The following PDE10A variants were observed in gnomAD, a reference collection of about 807,000 sequenced individuals.
PDE10A encodes the protein cAMP and cAMP-inhibited cGMP 3',5'-cyclic phosphodiesterase 10A.
PDE10A carries 39 observed loss-of-function variants against 97.7 expected under a neutral mutation model. The observed-to-expected ratio is 0.40, with a 90% confidence interval of 0.31 to 0.52. The LOEUF (loss-of-function observed/expected upper bound fraction) is 0.52, where lower values mean the gene tolerates loss of function less well. PDE10A is among the 20% of genes least tolerant of loss of function. PDE10A has a pLI of 0.56. For synonymous variants in PDE10A, 371 were observed against 376.8 expected (o/e 0.98, Z 0.18); for missense variants, 731 against 1,047.8 (o/e 0.70, Z 4.17).
At chr6:165,932,627 C>T (rs1471962599) in intron 1 of PDE10A, among the ~76,000 whole-genome samples, 1 of 152,166 alleles carries the variant, frequency 6.6e-6, no homozygotes, top group Non-Finnish European at 1.5e-5. Context: ...TGAGCCACCG[C>T]ACCCAGCCTA....
chr6:165,578,425 C>T (rs1309023119), intron 1 of PDE10A, among the ~76,000 whole-genome samples: 1 of 152,096 alleles, frequency 6.6e-6, no homozygotes, highest in East Asian at 1.9e-4. Flanking sequence ...ATGGTAGGGG[C>T]AAAGTCCAAT....
intron 7 of PDE10A, 98 bp downstream of exon 7, chr6:165,432,876 T>C (rs998887893): frequency 1.3e-6 from 1 of 782,410 alleles, no homozygotes; most frequent in Non-Finnish European, 2.1e-6. Context: ...TATTAATTCA[T>C]GTATTTTCAG....
chr6:165,625,157 G>A (rs116253108), intron 1 of PDE10A, among the ~76,000 whole-genome samples: 1,993 of 152,314 alleles, frequency 0.013, 53 homozygotes, highest in African/African-American at 0.046. Flanking sequence ...CTCTGGATTT[G>A]ACCCAGTCTG....
chr6:165,447,720 T>C (rs976851499), intron 5 of PDE10A, among the ~76,000 whole-genome samples: 15 of 152,212 alleles, frequency 9.9e-5, no homozygotes, highest in Non-Finnish European at 2.1e-4. Flanking sequence ...ATATAGTTTA[T>C]TTAGAAGTGG....
chr6:165,383,149 T>G (rs1205704966), intron 17 of PDE10A, among the ~76,000 whole-genome samples: 1 of 152,170 alleles, frequency 6.6e-6, no homozygotes, highest in African/African-American at 2.4e-5. Flanking sequence ...ACAGATAATT[T>G]AAGATTAGTG....
chr6:165,427,966 C>T (rs953882313), intron 10 of PDE10A, among the ~76,000 whole-genome samples: 1 of 151,946 alleles, frequency 6.6e-6, no homozygotes, highest in African/African-American at 2.4e-5. Flanking sequence ...CAAGATGTTG[C>T]ACAAAGCACA....
chr6:165,948,820 GC>G (rs1483192526), intron 1 of PDE10A: 2 of 152,276 alleles, frequency 1.3e-5, no homozygotes, highest in Non-Finnish European at 2.9e-5. Context: ...GACTAAGCTG[GC>G]CCCACAGCAG....
intron 1 of PDE10A, among the ~76,000 whole-genome samples, chr6:165,689,904 G>C (rs912219192): frequency 6.6e-6 from 1 of 152,118 alleles, no homozygotes; most frequent in African/African-American, 2.4e-5. Context: ...CTGCCACCGG[G>C]TGAGTACAAT....
intron 5 of PDE10A, among the ~76,000 whole-genome samples, chr6:165,442,988 T>C (rs1469425392): frequency 1.3e-5 from 2 of 151,792 alleles, no homozygotes; most frequent in East Asian, 3.9e-4. Flanking sequence ...GATATGTACC[T>C]GTAGTCCCAG....
rs6903225 is a variant in PDE10A at position 165,819,048 on chromosome 6, A to G, written c.-615+168481T>C. Reference sequence around the variant, plus strand: ...AAAATATGTACCTTTCATTCTGTACATTTATGAAGCCTCCGTCTAAGCTTG... The same window carrying G: ...AAAATATGTACCTTTCATTCTGTACGTTTATGAAGCCTCCGTCTAAGCTTG... On this transcript the variant is annotated intron_variant, in intron 1 of 19. Transcript: ENST00000366882. The surrounding 1 kb of genome is among the most constrained non-coding windows in gnomAD (Gnocchi z 4.2). Among the ~76,000 whole-genome samples the G allele has an allele frequency of 0.88, 134,508 of 152,224 alleles. 60,110 individuals are homozygous for G. The highest frequency in any genetic ancestry group is 1 in the East Asian group (5,165 of 5,182).
At chr6:165,433,540 C>CT (rs1204111404) in intron 6 of PDE10A, among the ~76,000 whole-genome samples, 2 of 152,112 alleles carry the variant, frequency 1.3e-5, no homozygotes, top group African/African-American at 4.8e-5. Flanking sequence ...TATTTATAAA[C>CT]TTTTTTTCTA....
At chr6:165,464,740 T>G (rs527349924) in intron 3 of PDE10A, among the ~76,000 whole-genome samples, 1 of 152,334 alleles carries the variant, frequency 6.6e-6, no homozygotes, top group African/African-American at 2.4e-5. Context: ...GAATTATTTG[T>G]AAATGGAATC....
intron 1 of PDE10A, among the ~76,000 whole-genome samples, chr6:165,733,985 G>A (rs1426986283): frequency 6.6e-6 from 1 of 152,102 alleles, no homozygotes; most frequent in Admixed American, 6.5e-5. Flanking sequence ...TTTGCTTATA[G>A]AAATGGCATT....
chr6:165,944,923 C>A (rs1293467969), intron 1 of PDE10A, among the ~76,000 whole-genome samples: 1 of 152,146 alleles, frequency 6.6e-6, no homozygotes, highest in Non-Finnish European at 1.5e-5. Flanking sequence ...GAAGGCAGGG[C>A]TTCAATTTCT....
intron 17 of PDE10A, among the ~76,000 whole-genome samples, chr6:165,384,637 T>A (rs1400597026): frequency 1.1e-5 from 1 of 94,368 alleles, no homozygotes; most frequent in Non-Finnish European, 2.0e-5. Context: ...AGTGAGTGTG[T>A]GTGTGTGTGT....
intron 1 of PDE10A, among the ~76,000 whole-genome samples, chr6:165,691,098 TTTCTCTCTC>T (rs1562686862): frequency 5.1e-4 from 14 of 27,690 alleles, no homozygotes; most frequent in South Asian, 3.0e-3. Flanking sequence ...TCTCTCTCTC[TTTCTCTCTC>T]CCCCCCCCCA....
chr6:165,722,076 G>A (rs1792179891), intron 1 of PDE10A, among the ~76,000 whole-genome samples: 1 of 152,140 alleles, frequency 6.6e-6, no homozygotes, highest in African/African-American at 2.4e-5. Context: ...ATGTATTTTT[G>A]CAAAAATTTT....
At chr6:165,564,012 T>A (rs1453202822) in intron 1 of PDE10A, among the ~76,000 whole-genome samples, 1 of 152,188 alleles carries the variant, frequency 6.6e-6, no homozygotes, top group East Asian at 1.9e-4. Context: ...CTGATCATAG[T>A]ATTCAAAGAG....
At chr6:165,461,202 G>GC (rs1225692239) in intron 3 of PDE10A, among the ~76,000 whole-genome samples, 2 of 152,190 alleles carry the variant, frequency 1.3e-5, no homozygotes, top group Non-Finnish European at 2.9e-5. Flanking sequence ...ACCTATGGGA[G>GC]CATTACAGCC....
Sources: allele counts gnomAD v4.1 joint callset (sites outside exome capture counted in the v4.1 genomes callset), GRCh38; gene constraint gnomAD v4.1.1; non-coding constraint Gnocchi (gnomAD v3.1); transcripts MANE v1.5; gene names NCBI Gene and HGNC (gene_info 2026-07-23, HGNC 2026-07-21).